The following TENM4 variants were observed in gnomAD, a reference collection of about 807,000 sequenced individuals.
TENM4 encodes the protein teneurin-4.
A neutral mutation model predicts 243.3 loss-of-function variants in TENM4; 82 were observed. The ratio of observed to expected loss-of-function variants is 0.34; its 90% CI spans 0.28 to 0.40. The LOEUF (loss-of-function observed/expected upper bound fraction) is 0.40, where lower values mean the gene tolerates loss of function less well. Ranked by LOEUF, TENM4 falls within the 10% of genes least tolerant of loss-of-function variation. The pLI is 1.00. For synonymous variants in TENM4, 1,412 were observed against 1,456.3 expected (o/e 0.97, Z 0.69); for missense variants, 3,138 against 3,673.3 (o/e 0.85, Z 3.77).
Position 79,075,448 on chromosome 11 carries a change from T to C in TENM4, c.-65-5439A>G, listed in dbSNP as rs111786235. The stretch of plus-strand genomic sequence containing the variant: ...ACTCCAAGAGGCTGAGTTTGTTAGA[T>C]GTTTTGTAAACTGTAATGTACTAAA... On this transcript the variant is annotated intron_variant, in intron 4 of 33. Transcript: ENST00000278550. Among the ~76,000 whole-genome samples the C allele has an allele frequency of 3.6e-3, 549 of 152,360 alleles. 2 individuals carry two copies. Among genetic ancestry groups the C allele is most frequent in the African/African-American group, 0.013 (522 of 41,580 alleles).
At chr11:78,876,445 TTCCTGTCTACTA>T (rs1859270556) in intron 9 of TENM4, among the ~76,000 whole-genome samples, 1 of 152,230 alleles carries the variant, frequency 6.6e-6, no homozygotes, top group Admixed American at 6.5e-5. Flanking sequence ...ATATCCAACA[TTCCTGTCTACTA>T]TCCTCTACCT....
intron 7 of TENM4, among the ~76,000 whole-genome samples, chr11:78,892,713 T>C (rs1460744477): frequency 1.3e-5 from 2 of 152,214 alleles, no homozygotes; most frequent in African/African-American, 4.8e-5. Flanking sequence ...TCTGCAACTA[T>C]CTAATTTAAA....
At chr11:79,146,147 G>A (rs1862391775) in intron 4 of TENM4, among the ~76,000 whole-genome samples, 1 of 151,946 alleles carries the variant, frequency 6.6e-6, no homozygotes, top group African/African-American at 2.4e-5. Flanking sequence ...TTAATTTCAT[G>A]ACCTGTTACT....
chr11:78,758,366 AG>A (rs1230298029), intron 18 of TENM4, among the ~76,000 whole-genome samples: 1 of 152,232 alleles, frequency 6.6e-6, no homozygotes, highest in Non-Finnish European at 1.5e-5. Context: ...AGTCCATAAA[AG>A]CCAGAAAACT....
intron 27 of TENM4, among the ~76,000 whole-genome samples, chr11:78,705,953 C>G (rs915343868): frequency 3.3e-5 from 5 of 152,204 alleles, no homozygotes; most frequent in Non-Finnish European, 7.3e-5. Flanking sequence ...TATTCACATC[C>G]TATTACTAGC....
At chr11:79,092,437 G>A (rs1860981075) in intron 4 of TENM4, among the ~76,000 whole-genome samples, 1 of 152,172 alleles carries the variant, frequency 6.6e-6, no homozygotes, top group East Asian at 1.9e-4. Flanking sequence ...CCAAGTTCTC[G>A]GGAGACTGCG....
chr11:79,225,987 G>A (rs1293097423), intron 2 of TENM4, among the ~76,000 whole-genome samples: 1 of 152,190 alleles, frequency 6.6e-6, no homozygotes, highest in African/African-American at 2.4e-5. Context: ...GCTTCTAAAT[G>A]CTGTCCAAAC....
chr11:79,206,792 G>T (rs1863856681), intron 3 of TENM4, among the ~76,000 whole-genome samples: 9 of 152,106 alleles, frequency 5.9e-5, no homozygotes, highest in Admixed American at 5.9e-4. Flanking sequence ...ATCTCTTCTT[G>T]TTTCCAGTTT....
chr11:79,263,920 C>A (rs1855839738), intron 2 of TENM4, among the ~76,000 whole-genome samples: 1 of 152,172 alleles, frequency 6.6e-6, no homozygotes, highest in Non-Finnish European at 1.5e-5. Flanking sequence ...GCCTACGGGG[C>A]TTCGCATCCC....
At chr11:79,423,929 C>G (rs1204637243) in intron 1 of TENM4, among the ~76,000 whole-genome samples, 1 of 152,176 alleles carries the variant, frequency 6.6e-6, no homozygotes, top group Non-Finnish European at 1.5e-5. Context: ...CTGCCTCCCC[C>G]ACTAACCTGG....
intron 1 of TENM4, among the ~76,000 whole-genome samples, chr11:79,405,750 A>G (rs1858553440): frequency 6.7e-6 from 1 of 149,124 alleles, no homozygotes; most frequent in South Asian, 2.2e-4. Flanking sequence ...TCTTATCTTA[A>G]TGTGGAGCAG....
chr11:78,959,946 C>T (rs1005823), intron 6 of TENM4, among the ~76,000 whole-genome samples: 5,375 of 151,826 alleles, frequency 0.035, 298 homozygotes, highest in East Asian at 0.24. Flanking sequence ...CACACACACA[C>T]ATATATATAT....
intron 18 of TENM4, among the ~76,000 whole-genome samples, chr11:78,765,903 C>A (rs1462369098): frequency 6.6e-6 from 1 of 151,750 alleles, no homozygotes; most frequent in Non-Finnish European, 1.5e-5. Flanking sequence ...GGAATACAGA[C>A]TTTAACACAG....
At chr11:79,398,822 G>A (rs544032176) in intron 1 of TENM4, among the ~76,000 whole-genome samples, 31 of 151,858 alleles carry the variant, frequency 2.0e-4, no homozygotes, top group Non-Finnish European at 3.4e-4. Context: ...TATGCTGGGG[G>A]CCCAAGTAGA....
At chr11:79,263,676 C>T (rs1446724696) in intron 2 of TENM4, among the ~76,000 whole-genome samples, 4 of 152,234 alleles carry the variant, frequency 2.6e-5, no homozygotes, top group Admixed American at 2.0e-4. Context: ...TCCAGGTAGC[C>T]AATGGAAAGT....
At chr11:78,999,256 G>A (rs1216974020) in intron 6 of TENM4, among the ~76,000 whole-genome samples, 1 of 152,176 alleles carries the variant, frequency 6.6e-6, no homozygotes, top group Non-Finnish European at 1.5e-5. Flanking sequence ...GCTCACGCCC[G>A]TAATCCTAGC....
chr11:79,431,741 C>G (rs1422050975), intron 1 of TENM4, among the ~76,000 whole-genome samples: 3 of 152,194 alleles, frequency 2.0e-5, no homozygotes, highest in African/African-American at 7.2e-5. Context: ...TGTAGTCATA[C>G]ATTCAGTACG....
chr11:79,036,750 G>T (rs542883134), intron 6 of TENM4, among the ~76,000 whole-genome samples: 3 of 152,092 alleles, frequency 2.0e-5, no homozygotes, highest in Admixed American at 6.5e-5. Flanking sequence ...AGTGGCTCAC[G>T]CCTGTAGTCC....
chr11:78,756,020 G>C (rs1856297004), intron 19 of TENM4, among the ~76,000 whole-genome samples: 4 of 152,220 alleles, frequency 2.6e-5, no homozygotes, highest in Admixed American at 2.6e-4. Flanking sequence ...AGGGTGCAGA[G>C]ATTAGAGAGC....
Sources: gnomAD v4.1 joint callset for allele counts (sites outside exome capture counted in the v4.1 genomes callset) on GRCh38, gnomAD v4.1.1 for gene constraint, MANE v1.5 for transcripts, NCBI Gene and HGNC (gene_info 2026-07-23, HGNC 2026-07-21) for gene names.